The following MAST4 variants were observed in gnomAD, a reference collection of about 807,000 sequenced individuals.
MAST4 encodes microtubule associated serine/threonine kinase family member 4.
A neutral mutation model predicts 162.7 loss-of-function variants in MAST4; 89 were observed. The ratio of observed to expected loss-of-function variants is 0.55; its 90% CI spans 0.46 to 0.65. The LOEUF is 0.65. MAST4 is among the 30% of genes least tolerant of loss of function. MAST4 has a pLI of 0.00. For synonymous variants in MAST4, 1,479 were observed against 1,361.1 expected, an observed-to-expected ratio of 1.09 and a Z score of -1.91; for missense variants, 3,153 against 3,374.0, an observed-to-expected ratio of 0.93 and a Z score of 1.62.
chr5:67,106,305 A>G (rs1465170671), intron 10 of MAST4, among the ~76,000 whole-genome samples: 1 of 152,114 alleles, frequency 6.6e-6, no homozygotes, highest in African/African-American at 2.4e-5. Flanking sequence ...TGCCTACTGA[A>G]TATCTTTCTA....
chr5:66,646,109 C>T (rs771409484), intron 1 of MAST4, among the ~76,000 whole-genome samples: 3 of 152,064 alleles, frequency 2.0e-5, no homozygotes, highest in Admixed American at 6.6e-5. Context: ...TTTTTGTAGT[C>T]GAATTCCCCC....
chr5:67,013,959 AC>A (rs1752987011), intron 4 of MAST4, among the ~76,000 whole-genome samples: 1 of 152,172 alleles, frequency 6.6e-6, no homozygotes, highest in Non-Finnish European at 1.5e-5. Context: ...TGATCTTGGA[AC>A]TTGAGATATA....
intron 4 of MAST4, among the ~76,000 whole-genome samples, chr5:66,993,638 A>T (rs1750286327): frequency 6.6e-6 from 1 of 152,196 alleles, no homozygotes; most frequent in Non-Finnish European, 1.5e-5. Flanking sequence ...TAGGAAGAGG[A>T]ACAGGATGTG....
chr5:66,718,524 CA>C (rs1202896726), intron 1 of MAST4, among the ~76,000 whole-genome samples: 2 of 152,078 alleles, frequency 1.3e-5, no homozygotes, highest in East Asian at 3.9e-4. Context: ...CTGGCTCTGG[CA>C]AGGTCATGTG....
intron 3 of MAST4, among the ~76,000 whole-genome samples, chr5:66,820,614 C>A (rs994544059): frequency 2.6e-5 from 4 of 152,088 alleles, no homozygotes; most frequent in African/African-American, 9.7e-5. Flanking sequence ...AGTTCTATTA[C>A]CCAGTTTTAT....
chr5:66,733,874 G>A (rs1440670938), intron 1 of MAST4, among the ~76,000 whole-genome samples: 1 of 152,126 alleles, frequency 6.6e-6, no homozygotes, highest in Non-Finnish European at 1.5e-5. Flanking sequence ...ATGCCTGCTG[G>A]ATAATAATCT....
chr5:67,091,421 C>T (rs965122677), intron 6 of MAST4, among the ~76,000 whole-genome samples: 4 of 152,138 alleles, frequency 2.6e-5, no homozygotes, highest in African/African-American at 9.7e-5. Flanking sequence ...TATTGAGACC[C>T]ATACACTGTT....
intron 3 of MAST4, among the ~76,000 whole-genome samples, chr5:66,885,357 C>T (rs1034878849): frequency 2.0e-5 from 3 of 152,134 alleles, no homozygotes; most frequent in Non-Finnish European, 4.4e-5. Flanking sequence ...AACACTTATT[C>T]ATTGATGAAA....
intron 2 of MAST4, among the ~76,000 whole-genome samples, chr5:66,786,953 A>AT (rs981519184): frequency 2.6e-5 from 4 of 151,926 alleles, no homozygotes; most frequent in Non-Finnish European, 4.4e-5. Flanking sequence ...TCAGTATCAC[A>AT]TTTTTTTTGC....
intron 5 of MAST4, among the ~76,000 whole-genome samples, chr5:67,069,712 G>A (rs1273281013): frequency 6.6e-6 from 1 of 152,140 alleles, no homozygotes; most frequent in Non-Finnish European, 1.5e-5. Flanking sequence ...TTGTTTATCT[G>A]GAGAAGCAAC....
chr5:67,098,044 T>C (rs1414071738), intron 7 of MAST4, among the ~76,000 whole-genome samples: 1 of 152,140 alleles, frequency 6.6e-6, no homozygotes, highest in Non-Finnish European at 1.5e-5. Flanking sequence ...GGTTAACTGT[T>C]AGTCATTTAG....
intron 4 of MAST4, among the ~76,000 whole-genome samples, chr5:66,968,191 T>G (rs535145968): frequency 6.6e-6 from 1 of 152,214 alleles, no homozygotes; most frequent in African/African-American, 2.4e-5. Context: ...CTTTTGTACT[T>G]CTGCTTCATC....
chr5:67,006,664 T>C (rs1752077973), intron 4 of MAST4, among the ~76,000 whole-genome samples: 2 of 152,172 alleles, frequency 1.3e-5, no homozygotes, highest in South Asian at 4.1e-4. Flanking sequence ...GTTGGAGCCT[T>C]TCTTCTTCCT....
chr5:67,162,541 G>A (rs1486804018), intron 27 of MAST4, 66 bp from the exon 28 acceptor site: 2 of 1,455,042 alleles, frequency 1.4e-6, no homozygotes, highest in Non-Finnish European at 1.9e-6. Context: ...TGAGCACAAT[G>A]GTATTTTGGG....
Position 66,798,464 on chromosome 5 carries a change from C to T in MAST4, c.642+9670C>T, listed in dbSNP as rs114010407. 8.7e-3 allele frequency among the ~76,000 whole-genome samples: 1,331 copies of T among 152,300 alleles called. 8 individuals carry two copies. Among genetic ancestry groups the T allele is most frequent in the Middle Eastern group, 0.017 (5 of 294 alleles). Reference sequence around the variant, plus strand: ...CCCTAGTGCTTCTACAGGTTTGTTTCCTCAGATCCCAGACTTCTGTTCCTC... The same window carrying T: ...CCCTAGTGCTTCTACAGGTTTGTTTTCTCAGATCCCAGACTTCTGTTCCTC... On this transcript the variant is annotated intron_variant, in intron 3 of 28. Transcript: ENST00000403625.
chr5:66,708,380 T>C (rs1440608051), intron 1 of MAST4, among the ~76,000 whole-genome samples: 1 of 152,168 alleles, frequency 6.6e-6, no homozygotes, highest in Non-Finnish European at 1.5e-5. Flanking sequence ...AACAAACCTC[T>C]CATAAGCTCT....
rs1377964541 is a variant in MAST4 at position 66,596,427 on chromosome 5, T to C, written c.-229T>C. The C allele has an allele frequency of 4.7e-6, 2 of 426,294 alleles. No individual in the cohort carries two copies. Among genetic ancestry groups the C allele is most frequent in the Non-Finnish European group, 7.9e-6 (2 of 253,706 alleles). 26.4% of individuals were successfully genotyped at this position (426,294 alleles called of 1,614,324 possible). ...CGCAGATCGCGGACCCGAGCGGGCA[T>C]GTCCCCGCGCGCGGGAGCCTCCGTT... On this transcript the variant is annotated 5_prime_UTR_variant, in exon 1 of 29. An upstream start codon of the reference 5' UTR is lost. Transcript: ENST00000403625.
chr5:67,149,212 C>A (rs1771474955), intron 23 of MAST4, among the ~76,000 whole-genome samples, 177 bp from the exon 24 acceptor site: 1 of 152,118 alleles, frequency 6.6e-6, no homozygotes, highest in Non-Finnish European at 1.5e-5. Context: ...TCCTCCACGT[C>A]ACCTTTCTCA....
At chr5:67,019,533 G>A (rs1753715777) in intron 4 of MAST4, among the ~76,000 whole-genome samples, 1 of 152,182 alleles carries the variant, frequency 6.6e-6, no homozygotes, top group Non-Finnish European at 1.5e-5. Flanking sequence ...ATATATTTTT[G>A]CAAGGTGTAG....
Sources: gnomAD v4.1 joint callset for allele counts (sites outside exome capture counted in the v4.1 genomes callset) on GRCh38, gnomAD v4.1.1 for gene constraint, MANE v1.5 for transcripts, NCBI Gene and HGNC (gene_info 2026-07-23, HGNC 2026-07-21) for gene names.